The following FOCAD variants were observed in gnomAD, a reference collection of about 807,000 sequenced individuals.
FOCAD encodes the protein focadhesin.
Under a neutral mutation model 225.6 loss-of-function variants are expected in FOCAD, and 198 were observed. The observed-to-expected ratio is 0.88, with a 90% CI of 0.78 to 0.99. The LOEUF is 0.99. Ranked by LOEUF, FOCAD falls within the 50% of genes least tolerant of loss-of-function variation. The probability of loss-of-function intolerance (pLI) is 0.00; values close to 1 mark genes in which losing one functional copy is unlikely to be tolerated. For synonymous variants in FOCAD, 897 were observed against 755.0 expected (o/e 1.19, Z -3.08); for missense variants, 2,713 against 2,123.6 (o/e 1.28, Z -5.46).
At chr9:20,798,684 G>A (rs1248265112) in intron 11 of FOCAD, among the ~76,000 whole-genome samples, 3 of 151,690 alleles carry the variant, frequency 2.0e-5, no homozygotes, top group East Asian at 1.9e-4. Context: ...CTGTGGGGTC[G>A]GTGGTGATAT....
Position 20,990,341 on chromosome 9 carries a change from G to A in FOCAD, c.5223G>A (p.Leu1741=). The A allele has an allele frequency of 6.2e-7, 1 of 1,613,928 alleles. No individual in the cohort carries two copies. The highest frequency in any genetic ancestry group is 8.5e-7 in the Non-Finnish European group (1 of 1,179,980). ...TLLPNSMALL[L]QKEPWKEQTQ... is the part of the protein sequence containing the mutation. ...TTCCCAATAGCATGGCTCTGCTGCT[G>A]CAGAAAGAGCCATGGAAGGAACAGA... The change falls in exon 42 of 44, where the codon CTG becomes CTA. Residue 1741 remains leucine, a synonymous_variant. Coordinates refer to ENST00000338382, the MANE Select transcript of FOCAD (RefSeq NM_001375567.1).
chr9:20,766,762 G>A (rs1193503149), intron 7 of FOCAD, among the ~76,000 whole-genome samples: 1 of 150,688 alleles, frequency 6.6e-6, no homozygotes, highest in Admixed American at 6.6e-5. Flanking sequence ...CTAGTTTATT[G>A]TTGCTCAAAA....
At chr9:20,866,220 A>G (rs977475289) in intron 17 of FOCAD, among the ~76,000 whole-genome samples, 9 of 151,780 alleles carry the variant, frequency 5.9e-5, no homozygotes, top group African/African-American at 1.9e-4. Context: ...GGGAAGAGGA[A>G]CTGTTGATAT....
At chr9:20,972,434 T>C (rs149930879) in intron 35 of FOCAD, among the ~76,000 whole-genome samples, 1 of 152,260 alleles carries the variant, frequency 6.6e-6, no homozygotes, top group African/African-American at 2.4e-5. Flanking sequence ...GTTGGACATT[T>C]GTATATCATC....
intron 28 of FOCAD, among the ~76,000 whole-genome samples, chr9:20,939,136 C>G (rs76201101): frequency 3.5e-5 from 2 of 56,716 alleles, no homozygotes; most frequent in Non-Finnish European, 8.3e-5. Flanking sequence ...GGCGACAGAG[C>G]GAGACTCTCT....
At chr9:20,803,358 C>G (rs563814066) in intron 11 of FOCAD, among the ~76,000 whole-genome samples, 3 of 152,142 alleles carry the variant, frequency 2.0e-5, no homozygotes, top group Non-Finnish European at 4.4e-5. Flanking sequence ...ATGTGTATCC[C>G]CCTTGTAGTT....
intron 21 of FOCAD, among the ~76,000 whole-genome samples, chr9:20,892,234 C>A (rs1831676085): frequency 6.6e-6 from 1 of 152,166 alleles, no homozygotes; most frequent in African/African-American, 2.4e-5. Flanking sequence ...ACTGCCAACA[C>A]AACATCCATT....
At chr9:20,862,929 G>A (rs558816849) in intron 16 of FOCAD, 31 of 361,368 alleles carry the variant, frequency 8.6e-5, no homozygotes, top group Middle Eastern at 7.3e-4. Flanking sequence ...AATTATGAGA[G>A]TATTGTCAAG....
At chr9:20,967,116 T>C (rs1359411811) in intron 35 of FOCAD, among the ~76,000 whole-genome samples, 1 of 152,110 alleles carries the variant, frequency 6.6e-6, no homozygotes, top group Non-Finnish European at 1.5e-5. Context: ...CTTTGGGTAG[T>C]ATTATAATCT....
At chr9:20,759,631 C>G (rs1829389703) in intron 6 of FOCAD, among the ~76,000 whole-genome samples, 1 of 152,130 alleles carries the variant, frequency 6.6e-6, no homozygotes, top group African/African-American at 2.4e-5. Context: ...CTAGGCATTA[C>G]CATTCAGGAC....
At chr9:20,744,884 C>T (rs989860579) in intron 5 of FOCAD, among the ~76,000 whole-genome samples, 1 of 152,144 alleles carries the variant, frequency 6.6e-6, no homozygotes, top group African/African-American at 2.4e-5. Flanking sequence ...CATCTGCTCA[C>T]AAGATGCAAT....
chr9:20,901,747 A>G (rs930269895), intron 21 of FOCAD, among the ~76,000 whole-genome samples: 2 of 151,918 alleles, frequency 1.3e-5, no homozygotes, highest in East Asian at 1.9e-4. Context: ...TAGTATTTCA[A>G]ATATACTTAA....
intron 5 of FOCAD, among the ~76,000 whole-genome samples, chr9:20,743,773 T>C (rs1343728577): frequency 1.3e-5 from 2 of 152,298 alleles, no homozygotes; most frequent in East Asian, 3.9e-4. Flanking sequence ...TGGAAATATG[T>C]CATTTGTGGA....
rs372497478 is a variant in FOCAD at position 20,885,233 on chromosome 9, A to G, written c.2625+3A>G. ...CTTCACTTGCTCTTGTACATGAGGT[A>G]GGTTCCCGTGTCCTCTTCTTTATGT... On this transcript the variant is annotated splice_donor_region_variant and intron_variant, in intron 21 of 43. Transcript: ENST00000338382. The G allele has an allele frequency of 5.3e-5, 80 of 1,503,108 alleles. No individual in the cohort carries two copies. Among genetic ancestry groups the G allele is most frequent in the Middle Eastern group, 1.8e-4 (1 of 5,620 alleles). 93.1% of individuals were successfully genotyped at this position (1,503,108 alleles called of 1,614,324 possible).
Position 20,778,671 on chromosome 9 carries a change from A to G in FOCAD, c.907-10A>G, listed in dbSNP as rs770381202. 1.4e-5 allele frequency: 22 copies of G among 1,552,718 alleles called. No individual in the cohort carries two copies. In the South Asian group the frequency reaches 1.8e-4, roughly 13 times the overall value. On this transcript the variant is annotated splice_polypyrimidine_tract_variant and intron_variant, in intron 8 of 43. Transcript: ENST00000338382. ...TTTAACAACTCCTTTTTCCCCCTCT[A>G]TTCTTTTAGGATTTTCCTGTTGAAC...
chr9:20,716,175 C>T (rs1384503389), intron 2 of FOCAD: 5 of 471,580 alleles, frequency 1.1e-5, no homozygotes, highest in African/African-American at 3.9e-5. Context: ...TTCCCTTCTA[C>T]CTGGCTGGGT....
intron 1 of FOCAD, among the ~76,000 whole-genome samples, chr9:20,702,001 A>C (rs1823994976): frequency 6.6e-6 from 1 of 152,212 alleles, no homozygotes; most frequent in Non-Finnish European, 1.5e-5. Flanking sequence ...CAGAATAATA[A>C]CATTTAAAAA....
At chr9:20,757,379 C>A (rs1033321220) in intron 5 of FOCAD, among the ~76,000 whole-genome samples, 1 of 151,892 alleles carries the variant, frequency 6.6e-6, no homozygotes, top group Non-Finnish European at 1.5e-5. Flanking sequence ...CATGGTTGTA[C>A]TTTTTGTTTT....
intron 26 of FOCAD, among the ~76,000 whole-genome samples, chr9:20,928,128 A>G (rs1054329170): frequency 5.3e-5 from 8 of 152,290 alleles, no homozygotes; most frequent in African/African-American, 1.7e-4. Context: ...TAGTTCAGGT[A>G]TTCACCAGAG....
Sources: allele counts gnomAD v4.1 joint callset (sites outside exome capture counted in the v4.1 genomes callset), GRCh38; gene constraint gnomAD v4.1.1; transcripts MANE v1.5; gene names NCBI Gene and HGNC (gene_info 2026-07-23, HGNC 2026-07-21).